ADD1: variants seen among roughly 807,000 people sequenced by gnomAD.
The protein encoded by ADD1 is adducin 1.
In ADD1, 24 loss-of-function variants were observed where a neutral mutation model predicts 80.5. That is an observed-to-expected ratio of 0.30 (90% CI 0.22 to 0.42). The LOEUF (loss-of-function observed/expected upper bound fraction) is 0.42. ADD1 is among the 10% of genes least tolerant of loss of function. The pLI, the probability that ADD1 is intolerant of heterozygous loss-of-function variation, is 1.00. For synonymous variants in ADD1, 373 were observed against 393.8 expected (o/e 0.95, Z 0.63); for missense variants, 948 against 1,019.0 (o/e 0.93, Z 0.95).
chr4:2,897,774 T>TA (rs1011031474), intron 6 of ADD1, among the ~76,000 whole-genome samples: 10 of 152,076 alleles, frequency 6.6e-5, no homozygotes, highest in African/African-American at 2.4e-4. Context: ...CCACCTGCCT[T>TA]AGCCTCTTGA....
intron 4 of ADD1, among the ~76,000 whole-genome samples, chr4:2,885,337 T>C (rs2108951533): frequency 6.6e-6 from 1 of 152,308 alleles, no homozygotes; most frequent in African/African-American, 2.4e-5. Context: ...CCTTTCTCCA[T>C]AGATTCAGAA....
chr4:2,919,101 A>G (rs1739572845), intron 14 of ADD1, among the ~76,000 whole-genome samples: 1 of 151,862 alleles, frequency 6.6e-6, no homozygotes, highest in Non-Finnish European at 1.5e-5. Flanking sequence ...AGCCTCCCAA[A>G]CTACTGGGAT....
chr4:2,861,730 T>G (rs1027370913), intron 1 of ADD1, among the ~76,000 whole-genome samples: 2 of 152,186 alleles, frequency 1.3e-5, no homozygotes, highest in African/African-American at 4.8e-5. Context: ...AGCCATGGTT[T>G]GTTTTAAATC....
intron 9 of ADD1, chr4:2,900,392 G>A (rs1017096714): frequency 3.0e-4 from 45 of 152,384 alleles, no homozygotes; most frequent in African/African-American, 9.4e-4. Context: ...TGGGGGTCAC[G>A]ATGGTCCGTC....
At chr4:2,884,695 C>T (rs753548401) in intron 4 of ADD1, 29 bp downstream of exon 4, 7 of 1,544,842 alleles carry the variant, frequency 4.5e-6, no homozygotes, top group African/African-American at 2.7e-5. Flanking sequence ...AGTAACTGAA[C>T]GATAAATGAA....
chr4:2,920,013 T>C (rs1282872947), intron 14 of ADD1, among the ~76,000 whole-genome samples: 2 of 152,280 alleles, frequency 1.3e-5, no homozygotes, highest in African/African-American at 2.4e-5. Flanking sequence ...GCTTTAGCTG[T>C]GTCCCAGAGA....
intron 1 of ADD1, among the ~76,000 whole-genome samples, chr4:2,845,098 G>A (rs1725979310): frequency 1.3e-5 from 2 of 151,952 alleles, no homozygotes; most frequent in Non-Finnish European, 2.9e-5. Flanking sequence ...TTTTGAGACG[G>A]AGTCTCGCTC....
At chr4:2,903,146 G>A (rs1193490023) in intron 9 of ADD1, among the ~76,000 whole-genome samples, 1 of 152,220 alleles carries the variant, frequency 6.6e-6, no homozygotes, top group African/African-American at 2.4e-5. Flanking sequence ...TGAGAGGACT[G>A]TTTCTAGAGT....
At chr4:2,909,518 C>T in intron 13 of ADD1, 87 bp downstream of exon 13, 1 of 922,556 alleles carries the variant, frequency 1.1e-6, no homozygotes, top group Non-Finnish European at 1.6e-6. Context: ...CAGGCATTGT[C>T]TTAGTTACTG....
At chr4:2,882,093 G>C in intron 3 of ADD1, 33 bp downstream of exon 3, 1 of 1,544,260 alleles carries the variant, frequency 6.5e-7, no homozygotes, top group Non-Finnish European at 8.7e-7. Flanking sequence ...TATATGTTCT[G>C]TAGTTTTCAG....
intron 15 of ADD1, among the ~76,000 whole-genome samples, chr4:2,927,851 T>G (rs777914265): frequency 1.3e-5 from 2 of 152,118 alleles, no homozygotes; most frequent in African/African-American, 2.4e-5. Flanking sequence ...AAGCGGGACG[T>G]CGCTCCTTTA....
At chr4:2,909,759 C>T (rs1684022224) in intron 13 of ADD1, among the ~76,000 whole-genome samples, 1 of 152,056 alleles carries the variant, frequency 6.6e-6, no homozygotes, top group African/African-American at 2.4e-5. Flanking sequence ...TTTTCCATGA[C>T]TCTGACTGCA....
intron 1 of ADD1, among the ~76,000 whole-genome samples, chr4:2,846,932 A>G (rs577362355): frequency 1.3e-5 from 2 of 152,108 alleles, no homozygotes; most frequent in South Asian, 2.1e-4. Context: ...CCTGGCTAAC[A>G]TGGTGAAATC....
At chr4:2,859,008 C>T (rs1052787161) in intron 1 of ADD1, among the ~76,000 whole-genome samples, 4 of 152,100 alleles carry the variant, frequency 2.6e-5, no homozygotes, top group Admixed American at 6.6e-5. Context: ...GATCGTAGGG[C>T]GTTGCTGGTA....
chr4:2,894,265 T>G (rs530374553), intron 5 of ADD1, among the ~76,000 whole-genome samples, 172 bp downstream of exon 5: 1 of 152,318 alleles, frequency 6.6e-6, no homozygotes, highest in African/African-American at 2.4e-5. Flanking sequence ...ATTGTAATCT[T>G]GAGTTTGAAT....
chr4:2,872,861 G>T (rs1354886520), intron 1 of ADD1, among the ~76,000 whole-genome samples: 2 of 151,996 alleles, frequency 1.3e-5, no homozygotes, highest in Admixed American at 6.6e-5. Flanking sequence ...CGCCTGACCT[G>T]TTCCTACTTT....
chr4:2,869,415 T>C (rs1355832938), intron 1 of ADD1, among the ~76,000 whole-genome samples: 2 of 152,208 alleles, frequency 1.3e-5, no homozygotes, highest in Non-Finnish European at 2.9e-5. Context: ...TTGTCCGCAT[T>C]TTCCGTTTTA....
rs1261814072 is a variant in ADD1 at position 2,875,801 on chromosome 4, G to C, written c.-20-95G>C. The C allele has an allele frequency of 9.6e-6, 10 of 1,037,408 alleles. No homozygotes were observed. The African/African-American group carries it at 1.6e-4, about 17-fold the overall frequency. 64.3% of individuals were successfully genotyped at this position (1,037,408 alleles called of 1,614,324 possible). ...TGTCAGTTGGTCATTACATCCTCCT[G>C]TTGAAGATTGTGTTTACCAAGCTCA... On this transcript the variant is annotated intron_variant, in intron 1 of 15. Coordinates refer to ENST00000683351, the MANE Select transcript of ADD1 (RefSeq NM_001354761.2).
At chr4:2,919,379 A>G (rs1463051884) in intron 14 of ADD1, among the ~76,000 whole-genome samples, 1 of 151,726 alleles carries the variant, frequency 6.6e-6, no homozygotes, top group Non-Finnish European at 1.5e-5. Flanking sequence ...CTCTTTTTCT[A>G]TTGTTTGTAA....
Sources: gnomAD v4.1 joint callset for allele counts (sites outside exome capture counted in the v4.1 genomes callset) on GRCh38, gnomAD v4.1.1 for gene constraint, MANE v1.5 for transcripts, NCBI Gene and HGNC (gene_info 2026-07-23, HGNC 2026-07-21) for gene names.